Variants in POLQ observed in about 807,000 individuals in gnomAD.
POLQ encodes the protein DNA polymerase theta, also known as epididymis secretory sperm binding protein.
A neutral mutation model predicts 259.2 loss-of-function variants in POLQ; 233 were observed. That is an observed-to-expected ratio of 0.90 (90% CI 0.81 to 1.00). The LOEUF (loss-of-function observed/expected upper bound fraction) is 1.00, where lower values mean the gene tolerates loss of function less well. Ranked by LOEUF, POLQ falls within the 50% of genes least tolerant of loss-of-function variation. The pLI is 0.00. For synonymous variants in POLQ, 1,025 were observed against 1,048.8 expected, an observed-to-expected ratio of 0.98 and a Z score of 0.44; for missense variants, 2,871 against 3,051.6, an observed-to-expected ratio of 0.94 and a Z score of 1.39.
At chr3:121,470,703 G>A (rs369950227) in intron 22 of POLQ, among the ~76,000 whole-genome samples, 3 of 152,126 alleles carry the variant, frequency 2.0e-5, no homozygotes, top group Non-Finnish European at 4.4e-5. Context: ...CTTGATCTCC[G>A]AGGCTCAAGC....
chr3:121,466,976 A>C (rs2047842372), intron 24 of POLQ, among the ~76,000 whole-genome samples: 1 of 152,256 alleles, frequency 6.6e-6, no homozygotes, highest in African/African-American at 2.4e-5. Context: ...GTTACATCAT[A>C]ACTTCCAAAT....
At chr3:121,481,429 C>T in intron 19 of POLQ, 143 bp downstream of exon 19, 2 of 701,772 alleles carry the variant, frequency 2.8e-6, no homozygotes, top group Non-Finnish European at 4.6e-6. Flanking sequence ...AATATTTACT[C>T]TCTGGCCTTT....
chr3:121,487,947 T>C lies in POLQ; in HGVS notation c.4984A>G (p.Thr1662Ala). 1 of 1,604,246 alleles carries C rather than the reference T, an allele frequency of 6.2e-7. No homozygotes were observed. The highest frequency in any genetic ancestry group is 8.5e-7 in the Non-Finnish European group (1 of 1,177,094). The change falls in exon 16 of 30, where the codon ACT (threonine) becomes GCT (alanine). Residue 1662 changes from threonine to alanine, a missense_variant. Transcript: ENST00000264233. ...CTATTCAAACTGGAAAAGTTTATAG[T>C]CATTGATTTTAGCTTTTCATTTTCT... ...PLENEKLKSM[T>A]INFSSLNRKN...
intron 15 of POLQ, among the ~76,000 whole-genome samples, chr3:121,491,804 G>A (rs1297088286): frequency 2.0e-5 from 3 of 152,052 alleles, no homozygotes; most frequent in African/African-American, 7.2e-5. Context: ...CTCAACCCCC[G>A]AGATGCAGAC....
rs140696912 is a variant in POLQ at position 121,431,871 on chromosome 3, T to C, written c.*433A>G. 3.0e-3 allele frequency: 478 copies of C among 158,086 alleles called. 3 individuals are homozygous for C. The highest frequency in any genetic ancestry group is 0.011 in the African/African-American group (449 of 41,804). 9.8% of individuals were successfully genotyped at this position (158,086 alleles called of 1,614,324 possible). A position where few individuals can be genotyped will look rare whatever the true frequency, so the allele number is the denominator to read the frequency against. On this transcript the variant is annotated 3_prime_UTR_variant, in exon 30 of 30. Coordinates refer to ENST00000264233, the MANE Select transcript of POLQ (RefSeq NM_199420.4). ...TTAGAGGAAAAAAAGTCACACACGATGCCTACCACCACCAGGGTGAAACCA... is the reference window on the plus strand; with the variant it reads ...TTAGAGGAAAAAAAGTCACACACGACGCCTACCACCACCAGGGTGAAACCA...
Position 121,476,740 on chromosome 3 carries a change from G to A in POLQ, c.6212-7C>T. The stretch of plus-strand genomic sequence containing the variant: ...TCCACCTTACGGAAAACATCTGGAA[G>A]AAAAAAGAAAATTAAAACGTTAATT... On this transcript the variant is annotated splice_polypyrimidine_tract_variant and splice_region_variant and intron_variant, in intron 19 of 29. Coordinates refer to ENST00000264233, the MANE Select transcript of POLQ (RefSeq NM_199420.4). 3 of 1,588,452 alleles carry A rather than the reference G, an allele frequency of 1.9e-6. No individual in the cohort carries two copies. The highest frequency in any genetic ancestry group is 1.7e-4 in the Middle Eastern group (1 of 5,908).
intron 12 of POLQ, among the ~76,000 whole-genome samples, chr3:121,509,337 C>A (rs568236529): frequency 3.3e-5 from 5 of 152,158 alleles, no homozygotes; most frequent in Non-Finnish European, 4.4e-5. Flanking sequence ...CAACTCAAAT[C>A]TTTTTTGAAA....
intron 5 of POLQ, among the ~76,000 whole-genome samples, chr3:121,534,893 T>A (rs1316627987): frequency 6.6e-6 from 1 of 152,240 alleles, no homozygotes; most frequent in East Asian, 1.9e-4. Context: ...ATAGCTAAAT[T>A]CACTATTGTT....
chr3:121,487,442 A>AC lies in POLQ; in HGVS notation c.5488dup (p.Val1830GlyfsTer4). ...TTGGAAAAGATTTTGGTCACTTGCT[A>AC]CATCAATTATGGACAAACTTTCTGA... On this transcript the variant is annotated frameshift_variant, in exon 16 of 30. Coordinates refer to ENST00000264233, the MANE Select transcript of POLQ (RefSeq NM_199420.4). LOFTEE classifies it high-confidence loss of function. 1 of 1,614,092 alleles carries AC rather than the reference A, an allele frequency of 6.2e-7. No homozygotes were observed. Among genetic ancestry groups the AC allele is most frequent in the Non-Finnish European group, 8.5e-7 (1 of 1,179,976 alleles).
chr3:121,438,962 G>T (rs774862097), intron 27 of POLQ, among the ~76,000 whole-genome samples: 1 of 151,920 alleles, frequency 6.6e-6, no homozygotes, highest in Non-Finnish European at 1.5e-5. Flanking sequence ...AGTTTAGCGG[G>T]GTATTTTCAT....
chr3:121,515,212 G>C (rs938872188), intron 9 of POLQ, among the ~76,000 whole-genome samples: 1 of 152,006 alleles, frequency 6.6e-6, no homozygotes, highest in African/African-American at 2.4e-5. Context: ...ACTCACATAG[G>C]AGTGCAGTGG....
At chr3:121,457,696 T>C (rs1191973454) in intron 25 of POLQ, among the ~76,000 whole-genome samples, 7 of 152,290 alleles carry the variant, frequency 4.6e-5, no homozygotes, top group East Asian at 1.9e-4. Flanking sequence ...TACCATCTCA[T>C]ACCAGTTAGA....
intron 6 of POLQ, among the ~76,000 whole-genome samples, chr3:121,530,708 G>C (rs2048405073): frequency 6.6e-6 from 1 of 152,164 alleles, no homozygotes; most frequent in Non-Finnish European, 1.5e-5. Flanking sequence ...CTCCATACTG[G>C]AAGTATGTCA....
intron 26 of POLQ, among the ~76,000 whole-genome samples, chr3:121,448,407 C>A (rs1351683469): frequency 6.6e-6 from 1 of 151,182 alleles, no homozygotes; most frequent in African/African-American, 2.4e-5. Flanking sequence ...CATTCTTGAC[C>A]CCCAGGCTGG....
chr3:121,485,401 TTAAAA>T (rs1436742319), intron 16 of POLQ, among the ~76,000 whole-genome samples: 2 of 152,198 alleles, frequency 1.3e-5, no homozygotes, highest in Non-Finnish European at 2.9e-5. Context: ...CAAGGATTTG[TTAAAA>T]TAAATCTATA....
chr3:121,494,484 G>C, intron 14 of POLQ: 1 of 1,479,796 alleles, frequency 6.8e-7, no homozygotes, highest in Non-Finnish European at 9.4e-7. Flanking sequence ...GCTGGCAGAG[G>C]GGACGTCCCC....
intron 1 of POLQ, 43 bp downstream of exon 1, chr3:121,545,672 G>A (rs375135059): frequency 2.0e-6 from 3 of 1,511,222 alleles, no homozygotes; most frequent in East Asian, 2.5e-5. Context: ...TGGCCCGGCG[G>A]AGCTGCCCCC....
intron 28 of POLQ, among the ~76,000 whole-genome samples, chr3:121,434,557 A>G (rs1366315142): frequency 1.3e-5 from 2 of 152,218 alleles, no homozygotes; most frequent in Non-Finnish European, 2.9e-5. Context: ...ATGTGTGTGT[A>G]TATACACACA....
rs55923976 is a variant in POLQ at position 121,493,550 on chromosome 3, G to C, written c.2450C>G (p.Thr817Ser). 5 of 1,613,768 alleles carry C rather than the reference G, an allele frequency of 3.1e-6. No individual in the cohort carries two copies. Among genetic ancestry groups the C allele is most frequent in the Non-Finnish European group, 3.4e-6 (4 of 1,179,720 alleles). ...ATTTGCTCTAGCAAGGTCTGCCACA[G>C]TATGAAAGCCAGAAGCATAGAGAAC... ...ARVLYASGFHTVADLARANIV... is the reference protein window; with the variant it reads ...ARVLYASGFHSVADLARANIV... Residue 817 changes from threonine to serine, a missense_variant, in exon 15 of 30, where the codon ACT becomes AGT. Thr to Ser is a moderately conservative substitution (Grantham distance 58). Around this residue, in one of 3 missense-constraint regions of POLQ, gnomAD observed 2,080 missense variants for 2,126.0 expected, o/e 0.98. Transcript: ENST00000264233.
Sources: allele counts gnomAD v4.1 joint callset (sites outside exome capture counted in the v4.1 genomes callset), GRCh38; gene constraint gnomAD v4.1.1; regional missense constraint gnomAD v4.1.1; transcripts MANE v1.5; gene names NCBI Gene and HGNC (gene_info 2026-07-23, HGNC 2026-07-21).